The following C11orf65 variants were observed in gnomAD, a reference collection of about 807,000 sequenced individuals.
The protein encoded by C11orf65 is protein MFI.
Under a neutral mutation model 35.3 loss-of-function variants are expected in C11orf65, and 38 were observed. That is an observed-to-expected ratio of 1.08 (90% confidence interval 0.83 to 1.41). C11orf65 has a LOEUF of 1.41. Ranked by LOEUF, C11orf65 falls within the 40% of genes most tolerant of loss-of-function variation. The pLI, the probability that C11orf65 is intolerant of heterozygous loss-of-function variation, is 0.00. For missense variants in C11orf65, 370 were observed against 367.1 expected (o/e 1.01, Z -0.06); for synonymous variants, 105 against 114.4 (o/e 0.92, Z 0.53).
intron 2 of C11orf65, among the ~76,000 whole-genome samples, chr11:108,370,243 G>T (rs1488376319): frequency 2.0e-5 from 3 of 151,682 alleles, no homozygotes; most frequent in East Asian, 3.9e-4. Context: ...AATTATTACT[G>T]TTAGAATTAA....
chr11:108,413,833 G>A (rs2092692563), intron 3 of C11orf65, among the ~76,000 whole-genome samples: 1 of 151,998 alleles, frequency 6.6e-6, no homozygotes. Context: ...GTCAAATAAA[G>A]AGTCTCAAGA....
intron 3 of C11orf65, among the ~76,000 whole-genome samples, chr11:108,418,290 A>G (rs2138849104): frequency 6.6e-6 from 1 of 152,308 alleles, no homozygotes; most frequent in Non-Finnish European, 1.5e-5. Flanking sequence ...ATGCTCAATA[A>G]CTAAAAAATA....
At chr11:108,316,286 C>G (rs1257138679) in intron 6 of C11orf65, among the ~76,000 whole-genome samples, 1 of 150,574 alleles carries the variant, frequency 6.6e-6, no homozygotes, top group Non-Finnish European at 1.5e-5. Context: ...CAGAGGGATG[C>G]AAAAAAAAGA....
chr11:108,343,872 A>G (rs115388475), intron 2 of C11orf65, among the ~76,000 whole-genome samples: 1,672 of 152,344 alleles, frequency 0.011, 29 homozygotes, highest in African/African-American at 0.038. Context: ...GACATTTACA[A>G]TGTCACATTG....
rs1591199080 is a variant in C11orf65, at chr11:108,335,931, G to A, written c.227-639C>T. On this transcript the variant is annotated intron_variant, in intron 2 of 3. Coordinates refer to the C11orf65 transcript ENST00000524755. ...TACTGCAGAGAAACACGGAAACTAG[G>A]AAGAGGAAATTAACTATCTGTACTT... 3.1e-6 allele frequency: 5 copies of A among 1,613,582 alleles called. No individual in the cohort carries two copies. The highest frequency in any genetic ancestry group is 4.2e-6 in the Non-Finnish European group (5 of 1,179,556).
At chr11:108,377,436 C>T (rs2138188119) in intron 2 of C11orf65, among the ~76,000 whole-genome samples, 1 of 152,294 alleles carries the variant, frequency 6.6e-6, no homozygotes, top group Non-Finnish European at 1.5e-5. Flanking sequence ...AACAACCCTT[C>T]ATGCTAAAAA....
chr11:108,347,388 C>G (rs766736913), intron 2 of C11orf65: 1 of 1,523,510 alleles, frequency 6.6e-7, no homozygotes, highest in Non-Finnish European at 9.1e-7. Flanking sequence ...ATCTATGTAT[C>G]TATTCTTTTT....
chr11:108,310,153 T>G lies in C11orf65; in HGVS notation c.641-1082A>C. 1 of 1,612,248 alleles carries G rather than the reference T, an allele frequency of 6.2e-7. No homozygotes were observed. Among genetic ancestry groups the G allele is most frequent in the Non-Finnish European group, 8.5e-7 (1 of 1,178,734 alleles). ...AGTGAATGACATTATATCTCATTTT[T>G]CTTTAGACCTTCTTCAGGAACAATT... On this transcript the variant is annotated intron_variant, in intron 6 of 6. Coordinates refer to the C11orf65 transcript ENST00000525729.
In C11orf65 at chr11:108,401,512, G is replaced by C. The variant is rs988097984; in HGVS notation, c.560+3917C>G. Among the ~76,000 whole-genome samples, 3 of 152,162 alleles carry C rather than the reference G, an allele frequency of 2.0e-5. No homozygotes were observed. In the East Asian group the frequency reaches 5.8e-4, roughly 29 times the overall value. ...TAGCTGTGCAGCTGCAAGGTCACTA[G>C]ACAGATAAACTCAAGTCATAAAACA... On this transcript the variant is annotated intron_variant, in intron 6 of 8. Transcript: ENST00000393084.
At chr11:108,323,114 T>G (rs1003153306) in intron 6 of C11orf65, among the ~76,000 whole-genome samples, 9 of 152,078 alleles carry the variant, frequency 5.9e-5, no homozygotes, top group African/African-American at 2.2e-4. Flanking sequence ...AAAATAAAAT[T>G]TGGAATATGT....
Position 108,365,614 on chromosome 11 carries a change from A to G in C11orf65, c.226+27594T>C, listed in dbSNP as rs1035829637. ...TAAGTAGGGATTAATATTTAAGTGA[A>G]CTATTGTGGGTTTTTTTGAATGTTG... On this transcript the variant is annotated intron_variant, in intron 2 of 3. Transcript: ENST00000524755. The G allele has an allele frequency of 5.1e-6, 7 of 1,362,338 alleles. No individual in the cohort carries two copies. The African/African-American group carries it at 7.3e-5, about 14-fold the overall frequency. The allele number at this position is 1,362,338 out of a possible 1,614,324, so 84.4% of individuals were successfully genotyped here.
chr11:108,380,180 T>A (rs1285581673), downstream of C11orf65, among the ~76,000 whole-genome samples: 1 of 152,186 alleles, frequency 6.6e-6, no homozygotes, highest in Non-Finnish European at 1.5e-5. Flanking sequence ...ATGAGTTGGC[T>A]CAAGCTAAAA....
chr11:108,384,964 T>A (rs988260761), intron 8 of C11orf65, among the ~76,000 whole-genome samples: 8 of 152,188 alleles, frequency 5.3e-5, no homozygotes, highest in Non-Finnish European at 1.2e-4. Flanking sequence ...ACTTTTAGCA[T>A]TTCAGTACTG....
At chr11:108,434,006 T>C (rs2093030037) in intron 2 of C11orf65, among the ~76,000 whole-genome samples, 1 of 151,994 alleles carries the variant, frequency 6.6e-6, no homozygotes, top group African/African-American at 2.4e-5. Context: ...GGGGAAGAGG[T>C]ATGTGCAGAC....
intron 3 of C11orf65, among the ~76,000 whole-genome samples, chr11:108,427,097 C>T (rs1224548411): frequency 6.6e-6 from 1 of 152,090 alleles, no homozygotes. Context: ...TAGAAGAAAA[C>T]CTAGGCAATA....
At position 108,360,443 on chromosome 11, in the gene C11orf65, T is replaced by A. The variant is rs1280686184; in HGVS notation, c.227-25151A>T. On this transcript the variant is annotated intron_variant, in intron 2 of 3. Coordinates refer to the C11orf65 transcript ENST00000524755. ...AAGAGGGAATCCTCCCTAACTCATT[T>A]TATGAGGCCAGCATCATTCTGATAC... Among the ~76,000 whole-genome samples the A allele has an allele frequency of 3.0e-5, 4 of 133,802 alleles. No homozygotes were observed. In the South Asian group the frequency reaches 1.1e-3, roughly 36 times the overall value. The allele number at this position is 133,802 out of a possible 152,430, so 87.8% of individuals were successfully genotyped here.
At chr11:108,343,095 C>T (rs2136931080) in intron 2 of C11orf65, 1 of 1,228,622 alleles carries the variant, frequency 8.1e-7, no homozygotes, top group East Asian at 2.4e-5. Context: ...GCTTTGTCTT[C>T]TATGGACAGA....
At chr11:108,316,599 C>T (rs774479263) in intron 6 of C11orf65, among the ~76,000 whole-genome samples, 14 of 151,688 alleles carry the variant, frequency 9.2e-5, no homozygotes, top group East Asian at 3.9e-4. Context: ...AAACATTAAA[C>T]GATATTTTGG....
rs1423947755 is a variant in C11orf65, at chr11:108,385,978, A to G, written c.732-3T>C. 6.2e-7 allele frequency: 1 copy of G among 1,612,410 alleles called. No homozygotes were observed. The highest frequency in any genetic ancestry group is 2.2e-5 in the East Asian group (1 of 44,848). ...TTTCCTTCCAGCTGGCAATGTACCT[A>G]AGCACATTATATGAGGATTCATTAA... On this transcript the variant is annotated splice_region_variant and splice_polypyrimidine_tract_variant and intron_variant, in intron 7 of 8. Coordinates refer to ENST00000393084, the MANE Select transcript of C11orf65 (RefSeq NM_152587.5).
Sources: gnomAD v4.1 joint callset for allele counts (sites outside exome capture counted in the v4.1 genomes callset) on GRCh38, gnomAD v4.1.1 for gene constraint, MANE v1.5 for transcripts, NCBI Gene and HGNC (gene_info 2026-07-23, HGNC 2026-07-21) for gene names.